MGAT4C: variants seen among roughly 807,000 people sequenced by gnomAD.
The protein encoded by MGAT4C is MGAT4 family member C, also known as alpha-1,3-mannosyl-glycoprotein 4-beta-N-acetylglucosaminyltransferase C.
Under a neutral mutation model 40.1 loss-of-function variants are expected in MGAT4C, and 19 were observed. That is an observed-to-expected ratio of 0.47 (90% CI 0.33 to 0.70). The LOEUF is 0.70. MGAT4C is among the 30% of genes least tolerant of loss of function. The probability of loss-of-function intolerance (pLI) is 0.02; values close to 1 mark genes in which losing one functional copy is unlikely to be tolerated. For missense variants in MGAT4C, 491 were observed against 563.2 expected (o/e 0.87, Z 1.30); for synonymous variants, 181 against 187.1 (o/e 0.97, Z 0.27).
chr12:85,985,964 G>A (rs1885151322), intron 3 of MGAT4C, among the ~76,000 whole-genome samples: 1 of 152,078 alleles, frequency 6.6e-6, no homozygotes, highest in African/African-American at 2.4e-5. Flanking sequence ...GGTAAGTGCA[G>A]GATATTGAAT....
At chr12:86,770,689 A>C (rs1445013437) in intron 1 of MGAT4C, among the ~76,000 whole-genome samples, 9 of 152,116 alleles carry the variant, frequency 5.9e-5, no homozygotes, top group Admixed American at 5.9e-4. Context: ...TTATGTATGA[A>C]TTCTTTCAAT....
intron 1 of MGAT4C, among the ~76,000 whole-genome samples, chr12:86,742,827 C>T (rs1951088970): frequency 6.6e-6 from 1 of 151,448 alleles, no homozygotes; most frequent in African/African-American, 2.4e-5. Flanking sequence ...ATAATACTAA[C>T]ATATCTTAAA....
At chr12:86,568,420 T>C (rs1828838458) in intron 2 of MGAT4C, among the ~76,000 whole-genome samples, 1 of 152,006 alleles carries the variant, frequency 6.6e-6, no homozygotes, top group Admixed American at 6.6e-5. Flanking sequence ...AAAGCTGCCC[T>C]GTTCGATTCC....
chr12:86,769,824 A>G (rs1015242460), intron 1 of MGAT4C, among the ~76,000 whole-genome samples: 3 of 152,124 alleles, frequency 2.0e-5, no homozygotes, highest in Non-Finnish European at 4.4e-5. Flanking sequence ...GTGAGAACAC[A>G]TGGACACAGG....
chr12:86,399,851 A>T (rs1477729614), intron 3 of MGAT4C, among the ~76,000 whole-genome samples: 1 of 152,202 alleles, frequency 6.6e-6, no homozygotes, highest in Non-Finnish European at 1.5e-5. Context: ...GTCCTTTAAA[A>T]TATGCTTTAT....
At position 86,683,345 on chromosome 12, in the gene MGAT4C, C is replaced by T. The variant is rs570217954; in HGVS notation, c.-229+43864G>A. ...ATCTATTTACTTTTGTTTTTTAAAT[C>T]ATAAAACAGATTCCAAGAAATAAGT... On this transcript the variant is annotated intron_variant, in intron 2 of 7. Transcript: ENST00000548651. 1.9e-4 allele frequency among the ~76,000 whole-genome samples: 29 copies of T among 152,166 alleles called. 1 individual carries two copies. In the South Asian group the frequency reaches 3.3e-3, roughly 17 times the overall value.
chr12:86,749,894 T>G (rs141850315), intron 1 of MGAT4C, among the ~76,000 whole-genome samples: 1 of 151,890 alleles, frequency 6.6e-6, no homozygotes, highest in Non-Finnish European at 1.5e-5. Context: ...TTGCCTGGGT[T>G]GAATGGTGAG....
intron 2 of MGAT4C, among the ~76,000 whole-genome samples, chr12:86,567,298 T>A (rs1960175483): frequency 6.6e-6 from 1 of 152,110 alleles, no homozygotes. Context: ...AGTCATGTTA[T>A]CAGAGGAAGA....
intron 3 of MGAT4C, among the ~76,000 whole-genome samples, chr12:86,364,027 T>C (rs1363358051): frequency 6.6e-6 from 1 of 151,446 alleles, no homozygotes; most frequent in Non-Finnish European, 1.5e-5. Flanking sequence ...ATAGATATCT[T>C]CAATGGTCCT....
rs1196577321 is a variant in MGAT4C at position 85,967,206 on chromosome 12, GT to G, written c.*12082del. 6.6e-6 allele frequency: 1 copy of G among 152,002 alleles called. No homozygotes were observed. Among genetic ancestry groups the G allele is most frequent in the African/African-American group, 2.4e-5 (1 of 41,382 alleles). 9.4% of individuals were successfully genotyped at this position (152,002 alleles called of 1,614,324 possible). Reference sequence around the variant, plus strand: ...GTGAACAAATCTGGTAAATCTTTTGGTGTTGCAGGTTCATAATCAGTTAATT... The same window carrying G: ...GTGAACAAATCTGGTAAATCTTTTGGGTTGCAGGTTCATAATCAGTTAATT... On this transcript the variant is annotated 3_prime_UTR_variant, in exon 5 of 5. Coordinates refer to ENST00000611864, the MANE Select transcript of MGAT4C (RefSeq NM_001351288.2).
At chr12:86,504,834 T>C (rs1041994817) in intron 2 of MGAT4C, among the ~76,000 whole-genome samples, 2 of 152,052 alleles carry the variant, frequency 1.3e-5, no homozygotes, top group Middle Eastern at 3.2e-3. Flanking sequence ...CTACAGGTGC[T>C]CATGTTGGTG....
intron 1 of MGAT4C, among the ~76,000 whole-genome samples, chr12:86,803,659 G>GA (rs1346298401): frequency 1.3e-5 from 2 of 150,486 alleles, no homozygotes; most frequent in African/African-American, 4.9e-5. Context: ...AAAAACACAT[G>GA]AAAAAATGCT....
intron 1 of MGAT4C, among the ~76,000 whole-genome samples, chr12:86,247,506 G>C (rs1033900616): frequency 2.6e-5 from 4 of 152,122 alleles, no homozygotes; most frequent in Admixed American, 2.0e-4. Context: ...AACCAAGAAA[G>C]CCTACAATGG....
chr12:86,662,065 C>T (rs1412618299), intron 2 of MGAT4C, among the ~76,000 whole-genome samples: 1 of 152,124 alleles, frequency 6.6e-6, no homozygotes, highest in African/African-American at 2.4e-5. Flanking sequence ...TGAAGAATGG[C>T]ATCTAATCTA....
At chr12:86,360,434 G>A (rs562193884) in intron 3 of MGAT4C, among the ~76,000 whole-genome samples, 1 of 152,318 alleles carries the variant, frequency 6.6e-6, no homozygotes, top group African/African-American at 2.4e-5. Context: ...ACAAGACAGG[G>A]ATGCCCTCTC....
At chr12:86,112,371 G>T (rs577839027) in intron 1 of MGAT4C, among the ~76,000 whole-genome samples, 1 of 150,522 alleles carries the variant, frequency 6.6e-6, no homozygotes, top group Non-Finnish European at 1.5e-5. Context: ...TAATGTCCTT[G>T]TAGGCTCATC....
intron 2 of MGAT4C, among the ~76,000 whole-genome samples, chr12:86,655,094 T>G (rs961621331): frequency 4.6e-5 from 7 of 151,996 alleles, no homozygotes; most frequent in African/African-American, 1.4e-4. Context: ...CATGCAGGTT[T>G]GTTGCATAGG....
At chr12:86,082,631 C>A (rs1871048114) in intron 1 of MGAT4C, among the ~76,000 whole-genome samples, 1 of 151,940 alleles carries the variant, frequency 6.6e-6, no homozygotes, top group Non-Finnish European at 1.5e-5. Context: ...ACAAAATGAT[C>A]CAACAGAAAG....
chr12:86,704,749 C>A (rs1476194875), intron 2 of MGAT4C, among the ~76,000 whole-genome samples: 2 of 152,078 alleles, frequency 1.3e-5, no homozygotes, highest in Non-Finnish European at 1.5e-5. Context: ...CACTATAGGG[C>A]AGAATTTTGA....
Sources: allele counts gnomAD v4.1 joint callset (sites outside exome capture counted in the v4.1 genomes callset), GRCh38; gene constraint gnomAD v4.1.1; transcripts MANE v1.5; gene names NCBI Gene and HGNC (gene_info 2026-07-23, HGNC 2026-07-21).